Variants in TMEM117 observed in about 807,000 individuals in gnomAD.
The protein encoded by TMEM117 is transmembrane protein 117.
A neutral mutation model predicts 52.4 loss-of-function variants in TMEM117; 27 were observed. The observed-to-expected ratio is 0.51, with a 90% CI of 0.38 to 0.71. The LOEUF is 0.71. Among genes scored for constraint, TMEM117 ranks in the 30% least tolerant of loss-of-function variants. The pLI is 0.00. For synonymous variants in TMEM117, 215 were observed against 206.3 expected (o/e 1.04, Z -0.36); for missense variants, 556 against 630.5 (o/e 0.88, Z 1.26).
intron 2 of TMEM117, among the ~76,000 whole-genome samples, chr12:43,897,175 T>C (rs1221747187): frequency 6.6e-6 from 1 of 152,222 alleles, no homozygotes; most frequent in Non-Finnish European, 1.5e-5. Context: ...TACATTTTCC[T>C]CAGTCTCTCA....
rs375135528 is a variant in TMEM117, at chr12:43,901,333, C to T, written c.278-42877C>T. Among the ~76,000 whole-genome samples, 182 of 151,918 alleles carry T rather than the reference C, an allele frequency of 1.2e-3. 2 individuals are homozygous for T. Among genetic ancestry groups the T allele is most frequent in the African/African-American group, 3.4e-3 (143 of 41,474 alleles). On this transcript the variant is annotated intron_variant, in intron 2 of 7. Transcript: ENST00000266534. ...TTTTTGGTTTTTTTTGTTTTTGAGA[C>T]GGAGTCTTGCTCTGTTGCCCAGGCT...
At chr12:43,823,892 T>C in the TMEM117 span, among the ~76,000 whole-genome samples, 1 of 152,240 alleles carries the variant, frequency 6.6e-6, no homozygotes, top group African/African-American at 2.4e-5. Flanking sequence ...TAATTTCCTA[T>C]TGTTTTCCTT....
At position 44,376,732 on chromosome 12, in the gene TMEM117, A is replaced by G. The variant is rs1405957178; in HGVS notation, c.898+8A>G. 8.8e-6 allele frequency: 14 copies of G among 1,588,336 alleles called. No individual in the cohort carries two copies. Among genetic ancestry groups the G allele is most frequent in the Non-Finnish European group, 1.2e-5 (14 of 1,171,720 alleles). Reference sequence around the variant, plus strand: ...ATCGTATTCACATAACAGGTGTGTTATATCTTTGAACACAATTTGATTATC... The same window carrying G: ...ATCGTATTCACATAACAGGTGTGTTGTATCTTTGAACACAATTTGATTATC... On this transcript the variant is annotated splice_region_variant and intron_variant, in intron 7 of 7. Transcript: ENST00000266534.
At chr12:43,912,784 C>T (rs991097406) in intron 2 of TMEM117, among the ~76,000 whole-genome samples, 5 of 151,416 alleles carry the variant, frequency 3.3e-5, no homozygotes, top group African/African-American at 1.2e-4. Context: ...TGCATGTACC[C>T]CAAGAAAATT....
chr12:44,085,408 G>C (rs1036265195), intron 3 of TMEM117, among the ~76,000 whole-genome samples: 1 of 152,198 alleles, frequency 6.6e-6, no homozygotes, highest in African/African-American at 2.4e-5. Context: ...GAACTTCAAA[G>C]TACGAATCCA....
chr12:44,237,892 C>G (rs1156581000), intron 5 of TMEM117, among the ~76,000 whole-genome samples: 1 of 152,084 alleles, frequency 6.6e-6, no homozygotes, highest in Non-Finnish European at 1.5e-5. Context: ...TAAGTTAATG[C>G]ATTTGCATTA....
chr12:44,388,222 C>T lies in TMEM117; in HGVS notation c.1095C>T (p.His365=), dbSNP rs1332491595. 2.5e-6 allele frequency: 4 copies of T among 1,613,398 alleles called. No homozygotes were observed. The African/African-American group carries it at 5.3e-5, about 22-fold the overall frequency. Reference sequence around the variant, plus strand: ...TATCCTGGGAATGGAGGTCCAATCACACTAACCCTCGGACTAATAAAACAT... The same window carrying T: ...TATCCTGGGAATGGAGGTCCAATCATACTAACCCTCGGACTAATAAAACAT... ...TKLSWEWRSN[H]TNPRTNKTYV... The change falls in exon 8 of 8, where the codon CAC becomes CAT. Residue 365 remains histidine (H), a synonymous_variant. Transcript: ENST00000266534.
rs540669271 is a variant in TMEM117 at position 44,138,108 on chromosome 12, A to G, written c.411-5417A>G. On this transcript the variant is annotated intron_variant, in intron 3 of 7. Coordinates refer to ENST00000266534, the MANE Select transcript of TMEM117 (RefSeq NM_032256.3). ...ATCATTTGTCCCAAGTCATGGGGGT[A>G]TGGGGTGGGTTGCAAGCTTAATCTT... is the stretch of plus-strand genomic sequence containing the variant. Among the ~76,000 whole-genome samples the G allele has an allele frequency of 7.6e-4, 116 of 152,170 alleles. 1 individual carries two copies. Among genetic ancestry groups the G allele is most frequent in the African/African-American group, 2.6e-3 (106 of 41,530 alleles).
intron 6 of TMEM117, among the ~76,000 whole-genome samples, chr12:44,355,174 G>A (rs894653110): frequency 6.6e-6 from 1 of 151,970 alleles, no homozygotes; most frequent in Non-Finnish European, 1.5e-5. Context: ...GATTTTCCTT[G>A]TACAAGTTGG....
At chr12:44,118,521 T>C (rs1214543972) in intron 3 of TMEM117, among the ~76,000 whole-genome samples, 3 of 152,178 alleles carry the variant, frequency 2.0e-5, no homozygotes, top group Non-Finnish European at 4.4e-5. Flanking sequence ...ACCTCAGAGA[T>C]ATAGCAAAGC....
the TMEM117 span, among the ~76,000 whole-genome samples, chr12:43,824,488 G>GTTTT: frequency 5.3e-5 from 8 of 152,328 alleles, 1 homozygote; most frequent in African/African-American, 1.9e-4. Context: ...CAGGAAATGG[G>GTTTT]CTCTAGGAGA....
intron 4 of TMEM117, among the ~76,000 whole-genome samples, chr12:44,168,151 G>A (rs1948995050): frequency 6.6e-6 from 1 of 151,994 alleles, no homozygotes; most frequent in Non-Finnish European, 1.5e-5. Context: ...CTACTCGGGA[G>A]GCTGAGGCAG....
intron 2 of TMEM117, among the ~76,000 whole-genome samples, chr12:43,874,622 A>C (rs527746415): frequency 6.6e-6 from 1 of 152,242 alleles, no homozygotes; most frequent in African/African-American, 2.4e-5. Context: ...AGCCATATTA[A>C]ATCCTGGGAG....
chr12:43,856,505 A>G (rs919768103), intron 2 of TMEM117, among the ~76,000 whole-genome samples: 2 of 152,226 alleles, frequency 1.3e-5, no homozygotes, highest in African/African-American at 4.8e-5. Context: ...TCACTATGAA[A>G]CAGTCCCTCA....
At chr12:43,863,469 A>G (rs1943525692) in intron 2 of TMEM117, among the ~76,000 whole-genome samples, 2 of 152,184 alleles carry the variant, frequency 1.3e-5, no homozygotes, top group African/African-American at 4.8e-5. Flanking sequence ...AGATCAGACT[A>G]TTACGCATGG....
intron 3 of TMEM117, among the ~76,000 whole-genome samples, chr12:44,104,520 C>T (rs1947919334): frequency 6.7e-6 from 1 of 149,398 alleles, no homozygotes; most frequent in South Asian, 2.1e-4. Context: ...CACAAAGGTC[C>T]TGTGACTGGT....
intron 2 of TMEM117, among the ~76,000 whole-genome samples, chr12:43,865,086 A>G (rs889183012): frequency 6.6e-6 from 1 of 152,096 alleles, no homozygotes; most frequent in Non-Finnish European, 1.5e-5. Flanking sequence ...CGAACATCAG[A>G]AGGAAACAAC....
rs550480127 is a variant in TMEM117 at position 44,242,017 on chromosome 12, G to A, written c.608+30630G>A. Among the ~76,000 whole-genome samples the A allele has an allele frequency of 2.6e-5, 4 of 151,994 alleles. No individual in the cohort carries two copies. In the South Asian group the frequency reaches 6.2e-4, roughly 24 times the overall value. ...ATGTTACTTACAAAATAAGGTTGACGTGGCTCTGTTTCTTCCTTCTTGCTC... is the reference window on the plus strand; with the variant it reads ...ATGTTACTTACAAAATAAGGTTGACATGGCTCTGTTTCTTCCTTCTTGCTC... On this transcript the variant is annotated intron_variant, in intron 5 of 7. Coordinates refer to ENST00000266534, the MANE Select transcript of TMEM117 (RefSeq NM_032256.3).
At chr12:43,915,795 GA>G (rs1369276984) in intron 2 of TMEM117, among the ~76,000 whole-genome samples, 1 of 152,150 alleles carries the variant, frequency 6.6e-6, no homozygotes, top group Non-Finnish European at 1.5e-5. Flanking sequence ...GGTGTTTACT[GA>G]GTGTAGTGTT....
Sources: allele counts gnomAD v4.1 joint callset (sites outside exome capture counted in the v4.1 genomes callset), GRCh38; gene constraint gnomAD v4.1.1; transcripts MANE v1.5; gene names NCBI Gene and HGNC (gene_info 2026-07-23, HGNC 2026-07-21).